FAM107B: variants seen among roughly 807,000 people sequenced by gnomAD.
The protein encoded by FAM107B is family with sequence similarity 107 member B.
In FAM107B, 21 loss-of-function variants were observed where a neutral mutation model predicts 31.5. The observed-to-expected ratio is 0.67, with a 90% CI of 0.47 to 0.96. The LOEUF (loss-of-function observed/expected upper bound fraction) is 0.96. Among genes scored for constraint, FAM107B ranks in the 40% least tolerant of loss-of-function variants. FAM107B has a pLI of 0.00. For missense variants in FAM107B, 452 were observed against 377.1 expected (o/e 1.20, Z -1.64); for synonymous variants, 157 against 141.5 (o/e 1.11, Z -0.78).
At chr10:14,716,871 C>A (rs1333173473) in intron 1 of FAM107B, among the ~76,000 whole-genome samples, 1 of 152,146 alleles carries the variant, frequency 6.6e-6, no homozygotes, top group Non-Finnish European at 1.5e-5. Context: ...AGGTTGATCA[C>A]CTGAGGTCAG....
chr10:14,742,019 C>T (rs1856451918), intron 1 of FAM107B, among the ~76,000 whole-genome samples: 1 of 151,634 alleles, frequency 6.6e-6, no homozygotes, highest in Non-Finnish European at 1.5e-5. Flanking sequence ...CGGCCAACTC[C>T]CTAACTTTCT....
chr10:14,588,652 C>T (rs995489788), intron 2 of FAM107B, among the ~76,000 whole-genome samples: 5 of 152,146 alleles, frequency 3.3e-5, no homozygotes, highest in Non-Finnish European at 1.5e-5. Context: ...AGAAAATCAA[C>T]ATCAAACATC....
At chr10:14,522,891 C>CTAAT (rs2130766919) in intron 3 of FAM107B, among the ~76,000 whole-genome samples, 1 of 152,250 alleles carries the variant, frequency 6.6e-6, no homozygotes, top group African/African-American at 2.4e-5. Context: ...CCTTAATCCC[C>CTAAT]TAATTCTCAG....
chr10:14,686,368 G>A (rs1212815437), intron 1 of FAM107B, among the ~76,000 whole-genome samples: 1 of 147,800 alleles, frequency 6.8e-6, no homozygotes. Flanking sequence ...CAGCCTAGGC[G>A]ACAGAGCAAG....
At chr10:14,577,619 G>A (rs1851506368) in intron 2 of FAM107B, among the ~76,000 whole-genome samples, 1 of 152,196 alleles carries the variant, frequency 6.6e-6, no homozygotes, top group South Asian at 2.1e-4. Flanking sequence ...TGGGATTTCA[G>A]CTCCCAAGAT....
At chr10:14,586,824 T>C (rs769760556) in intron 2 of FAM107B, among the ~76,000 whole-genome samples, 13 of 152,192 alleles carry the variant, frequency 8.5e-5, no homozygotes, top group Middle Eastern at 3.2e-3. Context: ...AGCTCCAGTA[T>C]GGACCCTCTA....
intron 1 of FAM107B, among the ~76,000 whole-genome samples, chr10:14,682,734 C>T (rs1400028148): frequency 1.3e-4 from 19 of 151,814 alleles, no homozygotes; most frequent in Non-Finnish European, 1.5e-5. Flanking sequence ...CACAGCAGGG[C>T]ATGTCAGGGG....
chr10:14,548,418 C>G, intron 2 of FAM107B: 1 of 985,568 alleles, frequency 1.0e-6, no homozygotes, highest in South Asian at 4.7e-5. Flanking sequence ...TGTGAGGGTG[C>G]GTGGGGCGTA....
intron 3 of FAM107B, among the ~76,000 whole-genome samples, chr10:14,525,482 T>C (rs1370126096): frequency 1.3e-5 from 2 of 152,194 alleles, no homozygotes; most frequent in Admixed American, 1.3e-4. Context: ...ATTAAACGAA[T>C]CGAGGAGCAC....
intron 1 of FAM107B, among the ~76,000 whole-genome samples, chr10:14,730,631 G>T (rs901892847): frequency 1.3e-5 from 2 of 152,210 alleles, no homozygotes; most frequent in African/African-American, 4.8e-5. Flanking sequence ...GGCATGATCT[G>T]GTTCGTGTTT....
chr10:14,522,649 C>T (rs906851752), intron 3 of FAM107B, among the ~76,000 whole-genome samples: 44 of 151,964 alleles, frequency 2.9e-4, no homozygotes, highest in Non-Finnish European at 2.4e-4. Flanking sequence ...CTCCTGACCT[C>T]GGGATCCACT....
chr10:14,712,628 A>AGAAGAG (rs1365416352), intron 1 of FAM107B, among the ~76,000 whole-genome samples: 1 of 151,048 alleles, frequency 6.6e-6, no homozygotes, highest in East Asian at 2.0e-4. Context: ...CAAAAAAAAA[A>AGAAGAG]GAAGAAGAAG....
chr10:14,702,951 C>T (rs1021281677), intron 1 of FAM107B, among the ~76,000 whole-genome samples: 5 of 152,154 alleles, frequency 3.3e-5, no homozygotes, highest in African/African-American at 1.2e-4. Flanking sequence ...CGGACCTGAT[C>T]GACCCTATTA....
intron 2 of FAM107B, among the ~76,000 whole-genome samples, chr10:14,543,747 TA>T (rs935496393): frequency 5.3e-5 from 7 of 131,478 alleles, no homozygotes; most frequent in African/African-American, 2.0e-4. Flanking sequence ...ACTGAAATAA[TA>T]AATTATTTAG....
At chr10:14,540,136 T>C (rs1387928036) in intron 2 of FAM107B, among the ~76,000 whole-genome samples, 2 of 152,172 alleles carry the variant, frequency 1.3e-5, no homozygotes, top group African/African-American at 4.8e-5. Context: ...AGAGGTGCAT[T>C]TGAGCTTATT....
At chr10:14,599,968 A>T (rs932162082) in intron 2 of FAM107B, among the ~76,000 whole-genome samples, 1 of 152,186 alleles carries the variant, frequency 6.6e-6, no homozygotes, top group Non-Finnish European at 1.5e-5. Flanking sequence ...AAAAACAAAA[A>T]GTCAGTCCCA....
At chr10:14,761,754 C>A (rs966348680) in intron 1 of FAM107B, among the ~76,000 whole-genome samples, 6 of 151,986 alleles carry the variant, frequency 3.9e-5, no homozygotes, top group Admixed American at 3.9e-4. Flanking sequence ...TGCTCCACCA[C>A]ACCTGGCTAA....
chr10:14,544,741 G>A (rs1390034006), intron 2 of FAM107B, among the ~76,000 whole-genome samples: 8 of 152,054 alleles, frequency 5.3e-5, no homozygotes, highest in Non-Finnish European at 7.4e-5. Context: ...TATGATAGCG[G>A]AAAAAATGGA....
intron 1 of FAM107B, among the ~76,000 whole-genome samples, chr10:14,771,360 T>G (rs1833298386): frequency 6.6e-6 from 1 of 152,204 alleles, no homozygotes; most frequent in Non-Finnish European, 1.5e-5. Context: ...TAAGAGGAGT[T>G]GGTTACTGGA....
Sources: allele counts gnomAD v4.1 joint callset (sites outside exome capture counted in the v4.1 genomes callset), GRCh38; gene constraint gnomAD v4.1.1; transcripts MANE v1.5; gene names NCBI Gene and HGNC (gene_info 2026-07-23, HGNC 2026-07-21).